TCF25: variants seen among roughly 807,000 people sequenced by gnomAD.
TCF25 encodes ribosome quality control complex subunit TCF25.
TCF25 carries 41 observed loss-of-function variants against 83.1 expected under a neutral mutation model. The observed-to-expected ratio is 0.49, with a 90% confidence interval of 0.38 to 0.64. The LOEUF is 0.64. TCF25 is among the 30% of genes least tolerant of loss of function. The pLI, the probability that TCF25 is intolerant of heterozygous loss-of-function variation, is 0.00. For missense variants in TCF25, 979 were observed against 914.5 expected (o/e 1.07, Z -0.91); for synonymous variants, 458 against 365.0 (o/e 1.25, Z -2.90).
chr16:89,901,476 T>TGAG (rs1555616249), intron 12 of TCF25, among the ~76,000 whole-genome samples: 17 of 142,988 alleles, frequency 1.2e-4, no homozygotes, highest in East Asian at 4.8e-4. Context: ...CCGGGCGCGG[T>TGAG]GGCTCACGCC....
chr16:89,893,505 A>C (rs1213851471), intron 6 of TCF25, among the ~76,000 whole-genome samples: 2 of 152,188 alleles, frequency 1.3e-5, no homozygotes, highest in Non-Finnish European at 2.9e-5. Context: ...ACACGTCTTG[A>C]TAGGAAACTA....
intron 16 of TCF25, among the ~76,000 whole-genome samples, chr16:89,907,676 C>G (rs199748959): frequency 6.2e-4 from 44 of 70,432 alleles, no homozygotes; most frequent in East Asian, 1.7e-3. Context: ...CCTCCTCCCA[C>G]CTCCCACCTC....
At position 89,904,972 on chromosome 16, in the gene TCF25, T is replaced by C. The variant is rs2044656497; in HGVS notation, c.1504T>C (p.Tyr502His). ...TGCCCTGAGCCAGCTGGTGAACCTGTACCTTGGGAGGTCACACTTTCTCTG... is the reference window on the plus strand; with the variant it reads ...TGCCCTGAGCCAGCTGGTGAACCTGCACCTTGGGAGGTCACACTTTCTCTG... ...PPALSQLVNL[Y>H]LGRSHFLWKE... Residue 502 changes from tyrosine (Y) to histidine (H), a missense_variant, in exon 14 of 18, where the codon TAC becomes CAC. Physicochemically the swap from Tyr to His is moderately conservative, Grantham distance 83. Coordinates refer to ENST00000263346, the MANE Select transcript of TCF25 (RefSeq NM_014972.3). The C allele has an allele frequency of 6.2e-7, 1 of 1,608,370 alleles. No individual in the cohort carries two copies. Among genetic ancestry groups the C allele is most frequent in the South Asian group, 1.1e-5 (1 of 90,066 alleles).
rs752460198 is a variant in TCF25 at position 89,885,956 on chromosome 16, G to A, written c.538G>A (p.Val180Met). Residue 180 changes from valine to methionine, a missense_variant, in exon 4 of 18, where the codon GTG becomes ATG. By Grantham distance (21) the Val-to-Met change is conservative (BLOSUM62 1). Coordinates refer to ENST00000263346, the MANE Select transcript of TCF25 (RefSeq NM_014972.3). ...PLSSRKHVLY[V>M]EHRHLNPDTE... ...GAGCTCCAGGAAGCACGTTCTCTAC[G>A]TGGAGCACAGGTGTGGCCCCCGCCC... is the stretch of plus-strand genomic sequence containing the variant. 8.1e-6 allele frequency: 13 copies of A among 1,613,910 alleles called. No individual in the cohort carries two copies. The highest frequency in any genetic ancestry group is 2.2e-5 in the South Asian group (2 of 91,068).
At chr16:89,888,098 C>T (rs2043150780) in intron 5 of TCF25, among the ~76,000 whole-genome samples, 1 of 151,804 alleles carries the variant, frequency 6.6e-6, no homozygotes, top group Non-Finnish European at 1.5e-5. Flanking sequence ...AACCCCGTCT[C>T]TACTGAAAAT....
At chr16:89,883,295 C>T in intron 1 of TCF25, 56 bp from the exon 2 acceptor site, 1 of 1,589,538 alleles carries the variant, frequency 6.3e-7, no homozygotes, top group Non-Finnish European at 8.6e-7. Context: ...CATATCTCAG[C>T]ATGAGCGTTC....
chr16:89,880,678 C>T (rs1464885505), intron 1 of TCF25, among the ~76,000 whole-genome samples: 3 of 152,108 alleles, frequency 2.0e-5, no homozygotes, highest in Non-Finnish European at 4.4e-5. Flanking sequence ...CCCTTGACCA[C>T]AGGAATTTGA....
In TCF25 at chr16:89,900,698, C is replaced by T. The variant is rs1452446504; in HGVS notation, c.1285C>T (p.Leu429=). The change falls in exon 12 of 18, where the codon CTG becomes TTG. Residue 429 remains leucine, a synonymous_variant. Coordinates refer to ENST00000263346, the MANE Select transcript of TCF25 (RefSeq NM_014972.3). ...AFSVPLAYFL[L]SQQTDLPECE... is the part of the protein sequence containing the mutation. ...CTCTGTTCCACTGGCGTATTTCCTG[C>T]TGAGCCAGCAGACAGACCTCCCTGA... is the stretch of plus-strand genomic sequence containing the variant. 3 of 1,606,204 alleles carry T rather than the reference C, an allele frequency of 1.9e-6. No homozygotes were observed. Among genetic ancestry groups the T allele is most frequent in the Admixed American group, 3.3e-5 (2 of 59,918 alleles).
intron 9 of TCF25, among the ~76,000 whole-genome samples, 172 bp from the exon 10 acceptor site, chr16:89,898,385 T>C (rs149602789): frequency 0.061 from 5,970 of 97,592 alleles, 537 homozygotes; most frequent in African/African-American, 0.26. Context: ...GAGCAGTGTG[T>C]GGGGTGGAGC....
rs2044909570 is a variant in TCF25 at position 89,907,378 on chromosome 16, CCCA to C, written c.1799+57_1799+59del. ...AGCTCCCACCTCCCTCCTCCCAGTT[CCCA>C]GCTCCCAGCTCCCACCTCCCAGCTC... On this transcript the variant is annotated intron_variant, in intron 16 of 17. Transcript: ENST00000263346. 21 of 1,033,730 alleles carry C rather than the reference CCCA, an allele frequency of 2.0e-5. 6 individuals are homozygous for C. The highest frequency in any genetic ancestry group is 9.1e-5 in the South Asian group (6 of 65,690). The allele number at this position is 1,033,730 out of a possible 1,614,324, so 64.0% of individuals were successfully genotyped here.
chr16:89,888,364 G>T (rs573359151), intron 5 of TCF25, among the ~76,000 whole-genome samples: 42 of 152,052 alleles, frequency 2.8e-4, no homozygotes, highest in South Asian at 1.7e-3. Flanking sequence ...AAGGCGGGCG[G>T]ATCACCTGAG....
At chr16:89,880,477 G>T (rs1381864859) in intron 1 of TCF25, among the ~76,000 whole-genome samples, 2 of 152,136 alleles carry the variant, frequency 1.3e-5, no homozygotes, top group Non-Finnish European at 2.9e-5. Context: ...CCAGTTACTC[G>T]GGAGGCTGAG....
chr16:89,896,169 G>A, intron 9 of TCF25, 86 bp downstream of exon 9: 1 of 1,299,984 alleles, frequency 7.7e-7, no homozygotes, highest in Non-Finnish European at 1.1e-6. Flanking sequence ...GGCACCTCAT[G>A]GCTGCCCTCC....
intron 15 of TCF25, among the ~76,000 whole-genome samples, chr16:89,906,713 G>C (rs2044817463): frequency 6.6e-6 from 1 of 152,198 alleles, no homozygotes. Context: ...CAGCAAGTCA[G>C]AGGGTCGCAG....
At chr16:89,879,821 C>T (rs1233561434) in intron 1 of TCF25, among the ~76,000 whole-genome samples, 2 of 97,132 alleles carry the variant, frequency 2.1e-5, no homozygotes, top group Non-Finnish European at 2.0e-5. Context: ...GCCTGTCACA[C>T]GTGTTGTCCG....
chr16:89,907,088 G>T (rs1233546662), intron 15 of TCF25, among the ~76,000 whole-genome samples, 155 bp from the exon 16 acceptor site: 1 of 152,010 alleles, frequency 6.6e-6, no homozygotes, highest in Non-Finnish European at 1.5e-5. Context: ...AAAGCTCGTT[G>T]GTACAAAAAG....
intron 16 of TCF25, chr16:89,908,952 C>T: frequency 7.8e-7 from 1 of 1,289,416 alleles, no homozygotes; most frequent in Non-Finnish European, 1.0e-6. Flanking sequence ...CTAAGTGGGT[C>T]TTTCCCCTCA....
chr16:89,894,595 C>G (rs2043701323), intron 7 of TCF25, among the ~76,000 whole-genome samples: 1 of 152,204 alleles, frequency 6.6e-6, no homozygotes, highest in Non-Finnish European at 1.5e-5. Context: ...ATTGGTTCAG[C>G]TTAGCAATAA....
rs140885060 is a variant in TCF25 at position 89,886,936 on chromosome 16, C to G, written c.549-716C>G. Among the ~76,000 whole-genome samples, 209 of 152,310 alleles carry G rather than the reference C, an allele frequency of 1.4e-3. 2 individuals are homozygous for G. The highest frequency in any genetic ancestry group is 4.9e-3 in the African/African-American group (204 of 41,568). On this transcript the variant is annotated intron_variant, in intron 4 of 17. Transcript: ENST00000263346. Reference sequence around the variant, plus strand: ...CCAGCCTGGGTGATACAGCGAGACTCTGTCTCCCGACAAAAGGAAATAGGA... The same window carrying G: ...CCAGCCTGGGTGATACAGCGAGACTGTGTCTCCCGACAAAAGGAAATAGGA...
Sources: gnomAD v4.1 joint callset for allele counts (sites outside exome capture counted in the v4.1 genomes callset) on GRCh38, gnomAD v4.1.1 for gene constraint, MANE v1.5 for transcripts, NCBI Gene and HGNC (gene_info 2026-07-23, HGNC 2026-07-21) for gene names.